Variants in SGCZ observed in about 807,000 individuals in gnomAD.
SGCZ encodes the protein zeta-sarcoglycan.
In SGCZ, 40 loss-of-function variants were observed where a neutral mutation model predicts 41.3. The observed-to-expected ratio is 0.97, with a 90% CI of 0.75 to 1.26. The LOEUF is 1.26. Among genes scored for constraint, SGCZ ranks in the 50% most tolerant of loss-of-function variants. The pLI is 0.00. For synonymous variants in SGCZ, 206 were observed against 137.5 expected (o/e 1.50, Z -3.49); for missense variants, 552 against 369.8 (o/e 1.49, Z -4.04).
At chr8:14,301,134 T>C (rs1228532328) in intron 3 of SGCZ, among the ~76,000 whole-genome samples, 3 of 151,984 alleles carry the variant, frequency 2.0e-5, no homozygotes, top group African/African-American at 7.2e-5. Context: ...ACCTATTTAT[T>C]AGATGCCTCA....
chr8:14,945,539 G>T (rs370017322), intron 1 of SGCZ, among the ~76,000 whole-genome samples: 3 of 152,138 alleles, frequency 2.0e-5, no homozygotes, highest in African/African-American at 7.2e-5. Context: ...TTAATTTTAG[G>T]TGTCAGTTTG....
At chr8:14,222,884 TC>T (rs1806250348) in intron 4 of SGCZ, among the ~76,000 whole-genome samples, 1 of 133,494 alleles carries the variant, frequency 7.5e-6, no homozygotes, top group African/African-American at 2.8e-5. Context: ...TGATCTCCAT[TC>T]ACTGTAACCT....
At chr8:14,465,410 C>T (rs1333081396) in intron 2 of SGCZ, among the ~76,000 whole-genome samples, 1 of 151,332 alleles carries the variant, frequency 6.6e-6, no homozygotes, top group Non-Finnish European at 1.5e-5. Context: ...TATTATTTTC[C>T]ACCTTTCACT....
intron 1 of SGCZ, among the ~76,000 whole-genome samples, chr8:14,656,420 C>A (rs1295814597): frequency 7.4e-5 from 11 of 148,330 alleles, no homozygotes; most frequent in Non-Finnish European, 1.3e-4. Context: ...TCCTCTCCTT[C>A]CTTCCTTCCT....
chr8:15,208,957 T>C (rs1187760957), intron 1 of SGCZ, among the ~76,000 whole-genome samples: 2 of 151,872 alleles, frequency 1.3e-5, no homozygotes, highest in African/African-American at 4.8e-5. Flanking sequence ...GGATTTAACA[T>C]TTTTTCATAA....
chr8:14,490,922 T>C lies in SGCZ; in HGVS notation c.234+63810A>G, dbSNP rs531367596. The stretch of plus-strand genomic sequence containing the variant: ...GAGCTAAAATCTTAAGTGCTGTATT[T>C]AATCAATTGACAGCCATATAATTCT... On this transcript the variant is annotated intron_variant, in intron 2 of 7. Coordinates refer to ENST00000382080, the MANE Select transcript of SGCZ (RefSeq NM_139167.4). Among the ~76,000 whole-genome samples, 3 of 152,348 alleles carry C rather than the reference T, an allele frequency of 2.0e-5. No individual in the cohort carries two copies. The South Asian group carries it at 6.2e-4, about 32-fold the overall frequency.
chr8:14,096,223 G>A (rs2116964627), intron 7 of SGCZ, among the ~76,000 whole-genome samples: 1 of 152,212 alleles, frequency 6.6e-6, no homozygotes, highest in Non-Finnish European at 1.5e-5. Flanking sequence ...CATTCCTTAT[G>A]ACATTTGCTG....
chr8:14,658,023 G>T (rs2083657), intron 1 of SGCZ, among the ~76,000 whole-genome samples: 38,290 of 151,982 alleles, frequency 0.25, 5,255 homozygotes, highest in East Asian at 0.48. Context: ...AAACTACTGA[G>T]GATACATTTG....
At chr8:14,294,010 A>G (rs1427011) in intron 3 of SGCZ, among the ~76,000 whole-genome samples, 39,085 of 151,682 alleles carry the variant, frequency 0.26, 6,425 homozygotes, top group Non-Finnish European at 0.37. Context: ...TTATATATTT[A>G]GAACACTATT....
intron 1 of SGCZ, among the ~76,000 whole-genome samples, chr8:15,218,754 T>C (rs1297403093): frequency 6.6e-6 from 1 of 152,226 alleles, no homozygotes; most frequent in Non-Finnish European, 1.5e-5. Flanking sequence ...CATGGATGGA[T>C]AGTTCTGTGT....
intron 2 of SGCZ, among the ~76,000 whole-genome samples, chr8:14,474,045 A>G (rs1801288385): frequency 1.3e-5 from 2 of 152,186 alleles, no homozygotes; most frequent in African/African-American, 4.8e-5. Flanking sequence ...GGAGGACAAG[A>G]TTGGGGAAAG....
chr8:14,157,905 G>C (rs1050405395), intron 5 of SGCZ, among the ~76,000 whole-genome samples: 1 of 152,126 alleles, frequency 6.6e-6, no homozygotes, highest in South Asian at 2.1e-4. Context: ...TTACTGGCCA[G>C]GCACGGTAGC....
At chr8:14,437,138 C>T (rs553545744) in intron 2 of SGCZ, among the ~76,000 whole-genome samples, 4 of 152,174 alleles carry the variant, frequency 2.6e-5, no homozygotes, top group East Asian at 1.9e-4. Flanking sequence ...CTGCATGACT[C>T]GGAACACTGA....
intron 1 of SGCZ, among the ~76,000 whole-genome samples, chr8:14,866,430 T>C (rs1379902230): frequency 6.6e-6 from 1 of 152,012 alleles, no homozygotes; most frequent in Non-Finnish European, 1.5e-5. Flanking sequence ...TCTGGTACTA[T>C]GACTATAAGA....
intron 1 of SGCZ, among the ~76,000 whole-genome samples, chr8:14,687,449 G>T (rs1420637586): frequency 6.6e-6 from 1 of 151,208 alleles, no homozygotes; most frequent in Non-Finnish European, 1.5e-5. Flanking sequence ...GCGGTGTTTG[G>T]TTTTTTGTCC....
At chr8:14,474,619 A>C (rs1477837449) in intron 2 of SGCZ, among the ~76,000 whole-genome samples, 1 of 152,228 alleles carries the variant, frequency 6.6e-6, no homozygotes, top group Admixed American at 6.5e-5. Context: ...AAATTAAAAC[A>C]TACAGGTCCA....
chr8:14,525,100 C>CAT (rs1490499933), intron 2 of SGCZ, among the ~76,000 whole-genome samples: 1 of 135,652 alleles, frequency 7.4e-6, no homozygotes, highest in Non-Finnish European at 1.6e-5. Flanking sequence ...TAGATAGACA[C>CAT]ATAGACAGAT....
intron 2 of SGCZ, among the ~76,000 whole-genome samples, chr8:14,344,896 T>G (rs963716451): frequency 1.3e-5 from 2 of 152,048 alleles, no homozygotes. Context: ...AATTTCTACA[T>G]TGCAGAGGGT....
At chr8:14,229,924 T>C (rs1330780307) in intron 4 of SGCZ, among the ~76,000 whole-genome samples, 1 of 152,148 alleles carries the variant, frequency 6.6e-6, no homozygotes, top group Non-Finnish European at 1.5e-5. Flanking sequence ...GGACTTAAAC[T>C]GTTTTGTGGA....
Sources: gnomAD v4.1 joint callset for allele counts (sites outside exome capture counted in the v4.1 genomes callset) on GRCh38, gnomAD v4.1.1 for gene constraint, MANE v1.5 for transcripts, NCBI Gene and HGNC (gene_info 2026-07-23, HGNC 2026-07-21) for gene names.